The following NLN variants were observed in gnomAD, a reference collection of about 807,000 sequenced individuals.
NLN encodes neurolysin, mitochondrial.
In NLN, 64 loss-of-function variants were observed where a neutral mutation model predicts 79.9. The observed-to-expected ratio is 0.80, with a 90% CI of 0.65 to 0.99. NLN has a LOEUF of 0.99. NLN is among the 50% of genes least tolerant of loss of function. The pLI is 0.00. For missense variants in NLN, 835 were observed against 858.7 expected, an observed-to-expected ratio of 0.97 and a Z score of 0.34; for synonymous variants, 267 against 296.6, an observed-to-expected ratio of 0.90 and a Z score of 1.02.
At chr5:65,813,794 G>A (rs1760608212) in intron 12 of NLN, among the ~76,000 whole-genome samples, 1 of 152,058 alleles carries the variant, frequency 6.6e-6, no homozygotes, top group African/African-American at 2.4e-5. Flanking sequence ...CAGGTGTGGT[G>A]GTAGAAGCCT....
In NLN at chr5:65,811,634, C is replaced by G. The variant is rs183347001; in HGVS notation, c.1844-621C>G. Among the ~76,000 whole-genome samples, 213 of 152,158 alleles carry G rather than the reference C, an allele frequency of 1.4e-3. 1 individual carries two copies. The highest frequency in any genetic ancestry group is 4.9e-3 in the African/African-American group (202 of 41,508). On this transcript the variant is annotated intron_variant, in intron 11 of 12. Coordinates refer to ENST00000380985, the MANE Select transcript of NLN (RefSeq NM_020726.5). ...GTCAGAAGTTTGAGACCAGCCTGAC[C>G]AAAGTGGTGAAACCCTGTATCTACT...
chr5:65,818,856 A>G (rs1321012687), intron 12 of NLN: 2 of 152,242 alleles, frequency 1.3e-5, no homozygotes, highest in Non-Finnish European at 2.9e-5. Flanking sequence ...GGAAGGATGG[A>G]GGAGGGGTGG....
intron 8 of NLN, among the ~76,000 whole-genome samples, chr5:65,790,494 G>A (rs1481706622): frequency 2.0e-5 from 3 of 152,154 alleles, no homozygotes; most frequent in South Asian, 2.1e-4. Context: ...TTCACGTGGC[G>A]GCAGGAAGGG....
rs1223569839 is a variant in NLN, at chr5:65,823,660, A to G, written c.*745A>G. ...ATTAGAGGCTCATTTCCACCTCAGC[A>G]TACAAGATCGTTAGTCTTTTGGCAT... On this transcript the variant is annotated 3_prime_UTR_variant, in exon 13 of 13. Coordinates refer to ENST00000380985, the MANE Select transcript of NLN (RefSeq NM_020726.5). 1 of 152,174 alleles carries G rather than the reference A, an allele frequency of 6.6e-6. No homozygotes were observed. Among genetic ancestry groups the G allele is most frequent in the Non-Finnish European group, 1.5e-5 (1 of 68,036 alleles). The allele number at this position is 152,174 out of a possible 1,614,324, so 9.4% of individuals were successfully genotyped here.
In NLN at chr5:65,758,543, TATTCTTTTTCTG is replaced by T; in HGVS notation, c.42-14_42-3del. On this transcript the variant is annotated splice_polypyrimidine_tract_variant and intron_variant, in intron 1 of 12. Coordinates refer to ENST00000380985, the MANE Select transcript of NLN (RefSeq NM_020726.5). ...TGGACCAACAGAAATCCCTAATTCTTATTCTTTTTCTGATTCTTTTTAGAGTTGGTGGTTCCA... is the reference window on the plus strand; with the variant it reads ...TGGACCAACAGAAATCCCTAATTCTTATTCTTTTTAGAGTTGGTGGTTCCA... 1.3e-6 allele frequency: 2 copies of T among 1,568,208 alleles called. No individual in the cohort carries two copies. Among genetic ancestry groups the T allele is most frequent in the Non-Finnish European group, 8.8e-7 (1 of 1,141,032 alleles).
rs114442078 is a variant in NLN at position 65,774,336 on chromosome 5, A to G, written c.451-3091A>G. On this transcript the variant is annotated intron_variant, in intron 3 of 12. Transcript: ENST00000380985. ...TAAGAACTTTAGCCTTCTACTCTAT[A>G]AGCAGAAAAACTTCACCTAAAGAGG... Among the ~76,000 whole-genome samples, 74 of 152,274 alleles carry G rather than the reference A, an allele frequency of 4.9e-4. 1 individual carries two copies. Among genetic ancestry groups the G allele is most frequent in the African/African-American group, 1.8e-3 (73 of 41,552 alleles).
chr5:65,815,904 T>C (rs1760659533), intron 12 of NLN, among the ~76,000 whole-genome samples: 1 of 152,178 alleles, frequency 6.6e-6, no homozygotes, highest in African/African-American at 2.4e-5. Context: ...TAGATCATTA[T>C]TATAGCTATG....
chr5:65,765,146 G>A (rs1759424939), intron 3 of NLN, among the ~76,000 whole-genome samples: 1 of 152,202 alleles, frequency 6.6e-6, no homozygotes, highest in African/African-American at 2.4e-5. Context: ...ACTTTGTGAG[G>A]CTGAGGCAGG....
intron 6 of NLN, among the ~76,000 whole-genome samples, chr5:65,785,238 A>G (rs1579949032): frequency 6.6e-6 from 1 of 152,232 alleles, no homozygotes; most frequent in Admixed American, 6.5e-5. Flanking sequence ...AGGAATCACC[A>G]TACCGTTTTC....
intron 1 of NLN, among the ~76,000 whole-genome samples, chr5:65,755,586 A>C (rs1759199950): frequency 6.6e-6 from 1 of 152,206 alleles, no homozygotes; most frequent in Non-Finnish European, 1.5e-5. Flanking sequence ...TAAGTTTTTA[A>C]ATGTTGTATA....
chr5:65,792,531 C>T lies in NLN; in HGVS notation c.1403C>T (p.Ala468Val). The T allele has an allele frequency of 6.2e-7, 1 of 1,614,070 alleles. No individual in the cohort carries two copies. Among genetic ancestry groups the T allele is most frequent in the Non-Finnish European group, 8.5e-7 (1 of 1,179,916 alleles). The change falls in exon 9 of 13, where the codon GCA becomes GTA. Residue 468 changes from alanine (A) to valine (V), a missense_variant. Coordinates refer to ENST00000380985, the MANE Select transcript of NLN (RefSeq NM_020726.5). ...CLLPDGSRMM[A>V]VAALVVNFSQ... Reference sequence around the variant, plus strand: ...CTGCCTGATGGAAGCCGGATGATGGCAGTGGCTGCCCTCGTGGTGAACTTC... The same window carrying T: ...CTGCCTGATGGAAGCCGGATGATGGTAGTGGCTGCCCTCGTGGTGAACTTC...
At chr5:65,769,970 T>G (rs992557783) in intron 3 of NLN, among the ~76,000 whole-genome samples, 1 of 152,254 alleles carries the variant, frequency 6.6e-6, no homozygotes, top group East Asian at 1.9e-4. Context: ...ATCCAGAAAA[T>G]AGGCCTTCGG....
intron 6 of NLN, among the ~76,000 whole-genome samples, chr5:65,784,847 G>A (rs1263693528): frequency 6.6e-6 from 1 of 151,874 alleles, no homozygotes; most frequent in Admixed American, 6.6e-5. Context: ...CTATCCCCAG[G>A]CCCTGGCAAT....
intron 10 of NLN, 42 bp downstream of exon 10, chr5:65,809,743 C>A: frequency 6.9e-7 from 1 of 1,439,196 alleles, no homozygotes; most frequent in South Asian, 1.3e-5. Flanking sequence ...ATTAGAATCT[C>A]TTAATGTAGA....
At chr5:65,762,877 A>C in intron 2 of NLN, 83 bp from the exon 3 acceptor site, 1 of 1,295,284 alleles carries the variant, frequency 7.7e-7, no homozygotes, top group Non-Finnish European at 1.1e-6. Context: ...TGGCATGATC[A>C]TTCATCTGGG....
chr5:65,732,237 C>T (rs181170961), intron 1 of NLN, among the ~76,000 whole-genome samples: 303 of 152,292 alleles, frequency 2.0e-3, no homozygotes, highest in Non-Finnish European at 2.2e-3. Flanking sequence ...CTGGATTTCC[C>T]GTTCACCATA....
intron 3 of NLN, among the ~76,000 whole-genome samples, chr5:65,765,538 T>A (rs184962549): frequency 7.3e-5 from 11 of 151,490 alleles, no homozygotes; most frequent in Admixed American, 2.0e-4. Context: ...AAAAATAAAT[T>A]AATTAATTAA....
chr5:65,742,021 G>A (rs1286488237), intron 1 of NLN, among the ~76,000 whole-genome samples: 2 of 151,872 alleles, frequency 1.3e-5, no homozygotes, highest in Non-Finnish European at 2.9e-5. Flanking sequence ...ATTTGTCAGT[G>A]GCAGAAATAT....
intron 1 of NLN, among the ~76,000 whole-genome samples, chr5:65,748,875 G>T (rs1333067505): frequency 6.6e-6 from 1 of 152,210 alleles, no homozygotes; most frequent in Non-Finnish European, 1.5e-5. Flanking sequence ...GTTTGGCTGT[G>T]TCCCTACCCA....
Sources: allele counts gnomAD v4.1 joint callset (sites outside exome capture counted in the v4.1 genomes callset), GRCh38; gene constraint gnomAD v4.1.1; transcripts MANE v1.5; gene names NCBI Gene and HGNC (gene_info 2026-07-23, HGNC 2026-07-21).